The following ZNF517 variants were observed in gnomAD, a reference collection of about 807,000 sequenced individuals.
ZNF517 encodes the protein zinc finger protein 517.
In ZNF517, 12 loss-of-function variants were observed where a neutral mutation model predicts 12.1. That is an observed-to-expected ratio of 0.99 (90% CI 0.63 to 1.61). The LOEUF is 1.61. Among genes scored for constraint, ZNF517 ranks in the 40% most tolerant of loss-of-function variants. The pLI, the probability that ZNF517 is intolerant of heterozygous loss-of-function variation, is 0.00. For missense variants in ZNF517, 781 were observed against 693.2 expected, an observed-to-expected ratio of 1.13 and a Z score of -1.42; for synonymous variants, 388 against 310.2, an observed-to-expected ratio of 1.25 and a Z score of -2.63.
downstream of ZNF517, chr8:144,810,513 G>A (rs767337338): frequency 4.5e-5 from 16 of 357,672 alleles, no homozygotes; most frequent in Non-Finnish European, 7.6e-5. Context: ...GGGGGAGGCT[G>A]AAGGGTTGTC....
chr8:144,808,344 C>G lies in ZNF517; in HGVS notation c.1428C>G (p.Arg476=). 1.5e-5 allele frequency: 22 copies of G among 1,481,506 alleles called. No individual in the cohort carries two copies. The highest frequency in any genetic ancestry group is 2.0e-5 in the Non-Finnish European group (22 of 1,113,252). The allele number at this position is 1,481,506 out of a possible 1,614,324, so 91.8% of individuals were successfully genotyped here. ...TCCAGCACCAGAAGGTGCACGGCCG[C>G]GAGCCCGGGGAGGACACAGAGGGCA... ...TLIQHQKVHG[R]EPGEDTEGRR... is the part of the protein sequence containing the mutation. The change falls in exon 5 of 5, where the codon CGC becomes CGG. Residue 476 remains arginine (R), a synonymous_variant. Transcript: ENST00000359971.
downstream of ZNF517, among the ~76,000 whole-genome samples, chr8:144,812,196 A>C (rs1380341673): frequency 1.4e-5 from 2 of 147,020 alleles, no homozygotes; most frequent in Non-Finnish European, 3.0e-5. Flanking sequence ...AGACTGCAGA[A>C]TGGAAGCAAA....
rs1827116979 is a variant in ZNF517 at position 144,804,269 on chromosome 8, T to A, written c.274+31T>A. ...TACAAAGCACCCACAGGGCGTGTCC[T>A]GTGCTGCCAATGTGGCCTGGCCTCC... On this transcript the variant is annotated intron_variant, in intron 4 of 4. Transcript: ENST00000359971. 4 of 1,576,510 alleles carry A rather than the reference T, an allele frequency of 2.5e-6. No individual in the cohort carries two copies. The South Asian group carries it at 4.5e-5, about 18-fold the overall frequency.
intron 3 of ZNF517, 163 bp downstream of exon 3, chr8:144,803,930 C>T (rs560018360): frequency 5.7e-5 from 67 of 1,174,200 alleles, no homozygotes; most frequent in African/African-American, 1.8e-4. Context: ...CCACTGCCAG[C>T]GTCAGCCTGC....
In ZNF517 at chr8:144,808,580, C is replaced by T. The variant is rs1200010150; in HGVS notation, c.*185C>T. 3 of 830,116 alleles carry T rather than the reference C, an allele frequency of 3.6e-6. No individual in the cohort carries two copies. The highest frequency in any genetic ancestry group is 5.0e-6 in the Non-Finnish European group (3 of 603,916). 51.4% of individuals were successfully genotyped at this position (830,116 alleles called of 1,614,324 possible). On this transcript the variant is annotated 3_prime_UTR_variant, in exon 5 of 5. Transcript: ENST00000359971. ...GGGGAGGGAAAGGGCACCAGGCAGC[C>T]CGTGGTGTGGCCTCAGGAACCACTA...
chr8:144,803,887 C>A, intron 3 of ZNF517, 120 bp downstream of exon 3: 2 of 1,404,550 alleles, frequency 1.4e-6, no homozygotes, highest in East Asian at 2.3e-5. Context: ...TGGAGGCTCC[C>A]CAAGGAGCCC....
rs550685553 is a variant in ZNF517 at position 144,808,815 on chromosome 8, A to G, written c.*420A>G. The G allele has an allele frequency of 1.8e-4, 28 of 159,726 alleles. No homozygotes were observed. Among genetic ancestry groups the G allele is most frequent in the Non-Finnish European group, 3.4e-4 (25 of 73,388 alleles). The allele number at this position is 159,726 out of a possible 1,614,324, so 9.9% of individuals were successfully genotyped here. On this transcript the variant is annotated 3_prime_UTR_variant, in exon 5 of 5. Transcript: ENST00000359971. ...TAGCGCCAGGCTCCGTGTGGCGGTC[A>G]ATTCCAGGTGCTGTAAAGCCGACTA...
intron 2 of ZNF517, 152 bp from the exon 3 acceptor site, chr8:144,803,489 G>A (rs185653662): frequency 2.0e-6 from 2 of 985,266 alleles, no homozygotes; most frequent in South Asian, 1.6e-5. Flanking sequence ...GCTCACTCGG[G>A]GGGTGTTGGG....
At chr8:144,800,029 C>T (rs1399321216) in intron 1 of ZNF517, among the ~76,000 whole-genome samples, 1 of 152,178 alleles carries the variant, frequency 6.6e-6, no homozygotes, top group Non-Finnish European at 1.5e-5. Context: ...GAGAAACTCC[C>T]AGGCGGGGGA....
At chr8:144,805,944 AAT>A (rs1207165910) in intron 4 of ZNF517, among the ~76,000 whole-genome samples, 1 of 152,208 alleles carries the variant, frequency 6.6e-6, no homozygotes, top group Non-Finnish European at 1.5e-5. Flanking sequence ...ATAATATTAG[AAT>A]AAAGAGTAAT....
intron 1 of ZNF517, among the ~76,000 whole-genome samples, chr8:144,799,853 T>C (rs1384341234): frequency 6.6e-6 from 1 of 152,172 alleles, no homozygotes; most frequent in Non-Finnish European, 1.5e-5. Context: ...GGCAGGAGAA[T>C]GGCGTGAACC....
chr8:144,810,365 G>A (rs148853028), downstream of ZNF517: 8,803 of 487,720 alleles, frequency 0.018, 197 homozygotes, highest in Admixed American at 0.073. Context: ...ACTGCTCCCC[G>A]GGCTGTGCGC....
chr8:144,804,072 C>T (rs933542273), intron 3 of ZNF517, 53 bp from the exon 4 acceptor site: 137 of 1,545,584 alleles, frequency 8.9e-5, no homozygotes, highest in Non-Finnish European at 1.1e-4. Flanking sequence ...GGCACCTGGG[C>T]GTCCCTTCTC....
In ZNF517 at chr8:144,807,365, A is replaced by AC. The variant is rs1827283519; in HGVS notation, c.454dup (p.Arg152ProfsTer78). ...GAGGACGGGTCAGATAAACCCACCC[A>AC]CCCCCGGGCTCGGGAGCACAGCGCC... On this transcript the variant is annotated frameshift_variant, in exon 5 of 5. Transcript: ENST00000359971. LOFTEE classifies it low-confidence loss of function (END_TRUNC). 1.3e-6 allele frequency: 2 copies of AC among 1,554,408 alleles called. No individual in the cohort carries two copies. The highest frequency in any genetic ancestry group is 1.7e-6 in the Non-Finnish European group (2 of 1,148,836).
In ZNF517 at chr8:144,802,850, A is replaced by T; in HGVS notation, c.-45-20A>T. 6.2e-7 allele frequency: 1 copy of T among 1,612,912 alleles called. No homozygotes were observed. On this transcript the variant is annotated intron_variant, in intron 1 of 4. Coordinates refer to ENST00000359971, the MANE Select transcript of ZNF517 (RefSeq NM_213605.3). Reference sequence around the variant, plus strand: ...CCTTAGGCCTGGGCTCTTTCCACTCATGGCTCTATGTTCCCTCAGAATTCA... The same window carrying T: ...CCTTAGGCCTGGGCTCTTTCCACTCTTGGCTCTATGTTCCCTCAGAATTCA...
chr8:144,800,722 G>A (rs1328146192), intron 1 of ZNF517: 1 of 982,576 alleles, frequency 1.0e-6, no homozygotes, highest in Non-Finnish European at 1.2e-6. Flanking sequence ...GGTGATTCAC[G>A]AATCTGTCTG....
In ZNF517 at chr8:144,808,239, G is replaced by GCACTA. The variant is rs1411225677; in HGVS notation, c.1325_1329dup (p.Arg444ThrfsTer72). On this transcript the variant is annotated frameshift_variant, in exon 5 of 5. Transcript: ENST00000359971. LOFTEE classifies it low-confidence loss of function (END_TRUNC). The stretch of plus-strand genomic sequence containing the variant: ...TCCGCAGGAGCTACACGCTGAACGA[G>GCACTA]CACTACCGGCTCCACAGCGGCGAGA... The GCACTA allele has an allele frequency of 6.2e-7, 1 of 1,600,982 alleles. No homozygotes were observed. The highest frequency in any genetic ancestry group is 8.5e-7 in the Non-Finnish European group (1 of 1,173,096).
Position 144,808,288 on chromosome 8 carries a change from G to T in ZNF517, c.1372G>T (p.Gly458Trp), listed in dbSNP as rs373001972. 32 of 1,554,880 alleles carry T rather than the reference G, an allele frequency of 2.1e-5. No homozygotes were observed. The highest frequency in any genetic ancestry group is 3.6e-5 in the South Asian group (3 of 83,966). ...GAGGCCATACCGGTGCCGCGCCTGC[G>T]GGAGGGCCTGCAGCCGGCTGTCCAC... is the stretch of plus-strand genomic sequence containing the variant. ...GERPYRCRAC[G>W]RACSRLSTLI... The change falls in exon 5 of 5, where the codon GGG becomes TGG. Residue 458 changes from glycine (G) to tryptophan (W), a missense_variant. By Grantham distance (184) the Gly-to-Trp change is radical. Transcript: ENST00000359971.
At chr8:144,810,199 C>T, downstream of ZNF517, 1 of 697,584 alleles carries the variant, frequency 1.4e-6, no homozygotes, top group South Asian at 1.5e-5. Context: ...GGAAGGGTAG[C>T]CGGTGGGGGT....
Sources: gnomAD v4.1 joint callset for allele counts (sites outside exome capture counted in the v4.1 genomes callset) on GRCh38, gnomAD v4.1.1 for gene constraint, MANE v1.5 for transcripts, NCBI Gene and HGNC (gene_info 2026-07-23, HGNC 2026-07-21) for gene names.